Variants in PIGB observed in about 807,000 individuals in gnomAD.
The protein encoded by PIGB is GPI alpha-1,2-mannosyltransferase 3.
PIGB carries 58 observed loss-of-function variants against 68.4 expected under a neutral mutation model. That is an observed-to-expected ratio of 0.85 (90% confidence interval 0.69 to 1.06). The LOEUF (loss-of-function observed/expected upper bound fraction) is 1.06, where lower values mean the gene tolerates loss of function less well. Among genes scored for constraint, PIGB ranks in the 50% least tolerant of loss-of-function variants. The probability of loss-of-function intolerance (pLI) is 0.00; values close to 1 mark genes in which losing one functional copy is unlikely to be tolerated. For missense variants in PIGB, 634 were observed against 655.8 expected, an observed-to-expected ratio of 0.97 and a Z score of 0.36; for synonymous variants, 219 against 220.5, an observed-to-expected ratio of 0.99 and a Z score of 0.06.
chr15:55,352,028 A>G (rs2055937418), intron 10 of PIGB, among the ~76,000 whole-genome samples: 2 of 149,972 alleles, frequency 1.3e-5, no homozygotes, highest in South Asian at 4.2e-4. Context: ...GGCTCACTAC[A>G]ACCTCTGCCT....
chr15:55,319,350 C>G lies in PIGB; in HGVS notation c.100C>G (p.Leu34Val). Residue 34 changes from leucine to valine, a missense_variant, in exon 1 of 12, where the codon CTG becomes GTG. Coordinates refer to ENST00000164305, the MANE Select transcript of PIGB (RefSeq NM_004855.5). ...GAACCGCTCCCACGGCAAGATAAAG[C>G]TGCGAAAGAGAAAGTCTACCTTGTA... ...LQNRSHGKIK[L>V]RKRKSTLYFN... 6.4e-7 allele frequency: 1 copy of G among 1,568,800 alleles called. No homozygotes were observed. The highest frequency in any genetic ancestry group is 8.6e-7 in the Non-Finnish European group (1 of 1,156,138).
chr15:55,319,626 G>A, intron 1 of PIGB: 1 of 456,014 alleles, frequency 2.2e-6, no homozygotes, highest in Non-Finnish European at 3.9e-6. Context: ...TCTGTATTTG[G>A]CCGACAGGCT....
In PIGB at chr15:55,355,530, AG is replaced by A; in HGVS notation, c.*99del. On this transcript the variant is annotated 3_prime_UTR_variant, in exon 12 of 12. Coordinates refer to ENST00000164305, the MANE Select transcript of PIGB (RefSeq NM_004855.5). Reference sequence around the variant, plus strand: ...GTAAGATTCATGGAACTTAGAAAAAAGCTGTATGAACTGCTTTACCAAATAT... The same window carrying A: ...GTAAGATTCATGGAACTTAGAAAAAACTGTATGAACTGCTTTACCAAATAT... The A allele has an allele frequency of 2.1e-6, 2 of 964,358 alleles. No individual in the cohort carries two copies. The highest frequency in any genetic ancestry group is 3.1e-6 in the Non-Finnish European group (2 of 646,446). 59.7% of individuals were successfully genotyped at this position (964,358 alleles called of 1,614,324 possible).
In PIGB at chr15:55,340,828, G is replaced by A; in HGVS notation, c.1058+5G>A. On this transcript the variant is annotated splice_donor_5th_base_variant and intron_variant, in intron 8 of 11. Coordinates refer to ENST00000164305, the MANE Select transcript of PIGB (RefSeq NM_004855.5). ...GTGGACACTGCTTGTTTATAGGTAAGATTTTATTTGTTCAAAAGGCTAAAA... is the reference window on the plus strand; with the variant it reads ...GTGGACACTGCTTGTTTATAGGTAAAATTTTATTTGTTCAAAAGGCTAAAA... 1 of 1,533,566 alleles carries A rather than the reference G, an allele frequency of 6.5e-7. No homozygotes were observed. Among genetic ancestry groups the A allele is most frequent in the Middle Eastern group, 1.7e-4 (1 of 5,732 alleles). 95.0% of individuals were successfully genotyped at this position (1,533,566 alleles called of 1,614,324 possible).
intron 6 of PIGB, among the ~76,000 whole-genome samples, chr15:55,334,241 A>G (rs781761717): frequency 3.9e-5 from 6 of 152,216 alleles, no homozygotes; most frequent in Admixed American, 1.3e-4. Context: ...GTGTTTTCCA[A>G]TGCTTTATTT....
rs1385538194 is a variant in PIGB, at chr15:55,325,803, C to A, written c.418-1728C>A. 2.0e-5 allele frequency among the ~76,000 whole-genome samples: 3 copies of A among 152,076 alleles called. No homozygotes were observed. The East Asian group carries it at 5.8e-4, about 29-fold the overall frequency. On this transcript the variant is annotated intron_variant, in intron 3 of 11. Transcript: ENST00000164305. The stretch of plus-strand genomic sequence containing the variant: ...TGGTGGCATGCATCTGTAGTCCCAG[C>A]TACTCACAAGGCTGAGGCAGGAGAA...
intron 3 of PIGB, among the ~76,000 whole-genome samples, chr15:55,325,926 G>T (rs1469681295): frequency 6.6e-6 from 1 of 151,992 alleles, no homozygotes; most frequent in Non-Finnish European, 1.5e-5. Flanking sequence ...GCTGGGCACG[G>T]TTGCTCACTC....
At chr15:55,340,584 C>CTAT in intron 7 of PIGB, 28 bp from the exon 8 acceptor site, 1 of 1,499,846 alleles carries the variant, frequency 6.7e-7, no homozygotes, top group Non-Finnish European at 9.2e-7. Flanking sequence ...TAACACATTT[C>CTAT]TATTTATTTT....
At chr15:55,327,082 CAG>C (rs1322929143) in intron 3 of PIGB, among the ~76,000 whole-genome samples, 7 of 151,690 alleles carry the variant, frequency 4.6e-5, no homozygotes, top group African/African-American at 1.4e-4. Flanking sequence ...GCCTGGGTAA[CAG>C]AGTGAGACCC....
chr15:55,354,767 G>C (rs368022268), intron 10 of PIGB, 31 bp from the exon 11 acceptor site: 14 of 1,540,116 alleles, frequency 9.1e-6, no homozygotes, highest in African/African-American at 5.6e-5. Context: ...TGTTTTACTT[G>C]TATTTATTAT....
chr15:55,322,502 T>C (rs925551253), intron 3 of PIGB, among the ~76,000 whole-genome samples: 1 of 152,156 alleles, frequency 6.6e-6, no homozygotes, highest in East Asian at 1.9e-4. Flanking sequence ...CATGATCTTT[T>C]AAGCTGTCAT....
At chr15:55,340,263 T>C (rs2055633822) in intron 7 of PIGB, 1 of 160,006 alleles carries the variant, frequency 6.2e-6, no homozygotes, top group Admixed American at 6.3e-5. Flanking sequence ...GAGACCATCC[T>C]GGCTAACATG....
chr15:55,327,131 ATATATT>A lies in PIGB; in HGVS notation c.418-395_418-390del, dbSNP rs201921159. Among the ~76,000 whole-genome samples, 552 of 149,842 alleles carry A rather than the reference ATATATT, an allele frequency of 3.7e-3. 15 individuals carry two copies. In the East Asian group the frequency reaches 0.083, roughly 23 times the overall value. ...CAATATAATAAAAAATAATTTAAAA[ATATATT>A]TATAATATATGTGTGTGTATATATG... On this transcript the variant is annotated intron_variant, in intron 3 of 11. Coordinates refer to ENST00000164305, the MANE Select transcript of PIGB (RefSeq NM_004855.5).
chr15:55,335,043 G>A (rs2055503651), intron 6 of PIGB, among the ~76,000 whole-genome samples: 1 of 152,174 alleles, frequency 6.6e-6, no homozygotes, highest in African/African-American at 2.4e-5. Flanking sequence ...TAGATACACA[G>A]ATACATAGCA....
chr15:55,332,441 G>A (rs2055439240), intron 5 of PIGB, among the ~76,000 whole-genome samples: 1 of 150,472 alleles, frequency 6.6e-6, no homozygotes, highest in Non-Finnish European at 1.5e-5. Context: ...CATGATCTCA[G>A]CTCATTGCAA....
rs778370997 is a variant in PIGB at position 55,320,400 on chromosome 15, A to G, written c.289A>G (p.Met97Val). The G allele has an allele frequency of 1.2e-5, 19 of 1,613,074 alleles. No individual in the cohort carries two copies. The highest frequency in any genetic ancestry group is 1.7e-5 in the Admixed American group (1 of 59,880). Residue 97 changes from methionine (M) to valine (V), a missense_variant, in exon 2 of 12, where the codon ATG (methionine) becomes GTG (valine). Coordinates refer to ENST00000164305, the MANE Select transcript of PIGB (RefSeq NM_004855.5). ...GCAGTCTCTTGAAGTTTCACATCAC[A>G]TGGTTTTCAAATATCCTTTGTGGTT... The part of the protein sequence containing the change: ...YWQSLEVSHH[M>V]VFNYGYLTWE...
intron 10 of PIGB, chr15:55,354,551 A>G (rs192059430): frequency 1.7e-4 from 65 of 389,934 alleles, no homozygotes; most frequent in African/African-American, 1.2e-3. Flanking sequence ...TCCCTCCTTG[A>G]AATGGACTTC....
chr15:55,333,837 C>T (rs1319654882), intron 5 of PIGB, 30 bp from the exon 6 acceptor site: 31 of 1,497,174 alleles, frequency 2.1e-5, no homozygotes, highest in Non-Finnish European at 2.8e-5. Context: ...TAATTTCCCA[C>T]TTGTCTTATC....
chr15:55,352,375 CTATG>C (rs556325383), intron 10 of PIGB, among the ~76,000 whole-genome samples: 67 of 152,344 alleles, frequency 4.4e-4, no homozygotes, highest in African/African-American at 1.5e-3. Context: ...ATTGCCTCAA[CTATG>C]TATGGCCTTT....
Sources: gnomAD v4.1 joint callset for allele counts (sites outside exome capture counted in the v4.1 genomes callset) on GRCh38, gnomAD v4.1.1 for gene constraint, MANE v1.5 for transcripts, NCBI Gene and HGNC (gene_info 2026-07-23, HGNC 2026-07-21) for gene names.